Variants in RBFOX1 observed in about 807,000 individuals in gnomAD.
RBFOX1 encodes the protein RNA binding fox-1 homolog 1, also known as RNA binding protein fox-1 homolog 1.
Under a neutral mutation model 57.7 loss-of-function variants are expected in RBFOX1, and 8 were observed. That is an observed-to-expected ratio of 0.14 (90% CI 0.08 to 0.25). The LOEUF is 0.25. RBFOX1 is among the 10% of genes least tolerant of loss of function. The pLI is 1.00. For missense variants in RBFOX1, 611 were observed against 548.5 expected, an observed-to-expected ratio of 1.11 and a Z score of -1.14; for synonymous variants, 326 against 222.4, an observed-to-expected ratio of 1.47 and a Z score of -4.15.
chr16:7,609,928 C>T (rs936215778), intron 10 of RBFOX1, among the ~76,000 whole-genome samples: 5 of 151,558 alleles, frequency 3.3e-5, no homozygotes, highest in Non-Finnish European at 5.9e-5. Context: ...AGTGATTCTC[C>T]TGCCTCAGCC....
chr16:5,297,721 A>C (rs1292769715), intron 1 of RBFOX1, among the ~76,000 whole-genome samples: 1 of 152,186 alleles, frequency 6.6e-6, no homozygotes, highest in Non-Finnish European at 1.5e-5. Context: ...TTTAGACTTG[A>C]GGCCAGTGTT....
intron 3 of RBFOX1, among the ~76,000 whole-genome samples, chr16:5,649,429 C>A (rs1053406849): frequency 2.6e-5 from 4 of 152,078 alleles, no homozygotes; most frequent in Admixed American, 6.5e-5. Context: ...CTCGGTCTCC[C>A]AAAGTGCTGG....
chr16:6,468,626 T>G (rs1003203217), intron 2 of RBFOX1, among the ~76,000 whole-genome samples: 4 of 151,912 alleles, frequency 2.6e-5, no homozygotes, highest in Non-Finnish European at 5.9e-5. Flanking sequence ...TTTTTTTTTT[T>G]GCCTTTGCAA....
chr16:6,475,433 C>T (rs965392548), intron 2 of RBFOX1, among the ~76,000 whole-genome samples: 4 of 152,142 alleles, frequency 2.6e-5, no homozygotes, highest in Admixed American at 1.3e-4. Context: ...TTCACCTGGT[C>T]TTTGTTTAAA....
intron 4 of RBFOX1, among the ~76,000 whole-genome samples, chr16:7,096,012 C>CA (rs71408498): frequency 0.29 from 32,290 of 111,018 alleles, 4,612 homozygotes; most frequent in Non-Finnish European, 0.34. Flanking sequence ...GACTCTGTCT[C>CA]AAAAAAAAAA....
At chr16:7,652,918 C>G (rs1051775531) in intron 11 of RBFOX1, among the ~76,000 whole-genome samples, 5 of 152,102 alleles carry the variant, frequency 3.3e-5, no homozygotes, top group South Asian at 2.1e-4. Context: ...GAAGTGATAT[C>G]TGTACATGAA....
chr16:6,971,302 C>A (rs917709541), intron 3 of RBFOX1, among the ~76,000 whole-genome samples: 4 of 152,076 alleles, frequency 2.6e-5, no homozygotes, highest in Admixed American at 6.5e-5. Context: ...GATAGGAAAG[C>A]GAGGACATGT....
chr16:6,638,249 A>T (rs1250426997), intron 2 of RBFOX1, among the ~76,000 whole-genome samples: 2 of 152,170 alleles, frequency 1.3e-5, no homozygotes, highest in African/African-American at 4.8e-5. Flanking sequence ...GACAAATGTA[A>T]TTATCCTAAA....
At chr16:7,244,182 C>G (rs938218194) in intron 4 of RBFOX1, among the ~76,000 whole-genome samples, 52 of 136,266 alleles carry the variant, frequency 3.8e-4, no homozygotes, top group African/African-American at 1.3e-3. Context: ...AGTAAATAAA[C>G]ATTTATAATA....
chr16:7,593,021 C>G (rs964146778), intron 7 of RBFOX1, among the ~76,000 whole-genome samples: 3 of 148,906 alleles, frequency 2.0e-5, no homozygotes, highest in Admixed American at 6.7e-5. Flanking sequence ...TGCCATGTTA[C>G]TCAGCCTGGT....
intron 6 of RBFOX1, 50 bp from the exon 7 acceptor site, chr16:7,587,196 TG>T: frequency 6.9e-7 from 1 of 1,457,632 alleles, no homozygotes; most frequent in East Asian, 2.5e-5. Context: ...TACATAGTAA[TG>T]TCTACTGCAT....
Position 5,447,530 on chromosome 16 carries a change from T to C in RBFOX1, c.220-19686T>C, listed in dbSNP as rs1287595970. 3.3e-5 allele frequency among the ~76,000 whole-genome samples: 5 copies of C among 152,160 alleles called. No homozygotes were observed. In the East Asian group the frequency reaches 7.7e-4, roughly 23 times the overall value. ...CTCCTGCCTCAGCCTCCCGAATAGC[T>C]GGGATTACAGGCACCCGCCACCACG... is the stretch of plus-strand genomic sequence containing the variant. On this transcript the variant is annotated intron_variant, in intron 1 of 2. Coordinates refer to the RBFOX1 transcript ENST00000585867.
intron 3 of RBFOX1, among the ~76,000 whole-genome samples, chr16:5,805,117 G>A (rs1383118687): frequency 6.6e-6 from 1 of 152,058 alleles, no homozygotes; most frequent in African/African-American, 2.4e-5. Flanking sequence ...TGGGAAGGGG[G>A]CAGTTTGGTC....
intron 3 of RBFOX1, among the ~76,000 whole-genome samples, chr16:6,884,156 A>G (rs770617756): frequency 6.6e-6 from 1 of 152,192 alleles, no homozygotes; most frequent in Non-Finnish European, 1.5e-5. Context: ...CTGCAGACAG[A>G]AGCTGCTTCC....
chr16:5,568,836 C>T (rs961085110), intron 2 of RBFOX1, among the ~76,000 whole-genome samples: 7 of 151,934 alleles, frequency 4.6e-5, no homozygotes, highest in Non-Finnish European at 8.8e-5. Flanking sequence ...ATCATGACAT[C>T]GGTTCTTTTT....
At chr16:5,712,074 A>G (rs1294279928) in intron 3 of RBFOX1, among the ~76,000 whole-genome samples, 1 of 152,214 alleles carries the variant, frequency 6.6e-6, no homozygotes, top group Non-Finnish European at 1.5e-5. Context: ...GTGGCAGGCA[A>G]GAGAGAGAAG....
chr16:6,998,209 G>C (rs2092435262), intron 3 of RBFOX1, among the ~76,000 whole-genome samples: 1 of 152,128 alleles, frequency 6.6e-6, no homozygotes, highest in African/African-American at 2.4e-5. Context: ...TAGTGATTTA[G>C]CTATGAAGCA....
At chr16:7,301,255 C>A (rs2096023831) in intron 4 of RBFOX1, among the ~76,000 whole-genome samples, 2 of 152,140 alleles carry the variant, frequency 1.3e-5, no homozygotes, top group South Asian at 4.1e-4. Flanking sequence ...CCTCTGGGCT[C>A]CTTAATATAG....
chr16:7,194,896 C>A (rs949889175), intron 4 of RBFOX1, among the ~76,000 whole-genome samples: 2 of 145,392 alleles, frequency 1.4e-5, no homozygotes, highest in African/African-American at 5.2e-5. Context: ...CCACTGCACT[C>A]CAGCTTGGGC....
Sources: allele counts gnomAD v4.1 joint callset (sites outside exome capture counted in the v4.1 genomes callset), GRCh38; gene constraint gnomAD v4.1.1; transcripts MANE v1.5; gene names NCBI Gene and HGNC (gene_info 2026-07-23, HGNC 2026-07-21).